FA2H: variants seen among roughly 807,000 people sequenced by gnomAD.
The protein encoded by FA2H is fatty acid 2-hydroxylase.
In FA2H, 22 loss-of-function variants were observed where a neutral mutation model predicts 44.9. That is an observed-to-expected ratio of 0.49 (90% CI 0.35 to 0.70). The LOEUF is 0.70. FA2H is among the 30% of genes least tolerant of loss of function. The probability of loss-of-function intolerance (pLI) is 0.01; values close to 1 mark genes in which losing one functional copy is unlikely to be tolerated. For synonymous variants in FA2H, 243 were observed against 213.2 expected (o/e 1.14, Z -1.22); for missense variants, 501 against 504.9 (o/e 0.99, Z 0.07).
chr16:74,743,800 C>T (rs555928603), intron 1 of FA2H, among the ~76,000 whole-genome samples: 1 of 152,188 alleles, frequency 6.6e-6, no homozygotes, highest in South Asian at 2.1e-4. Context: ...TGGGACCACA[C>T]CCCTCCTTGG....
intron 1 of FA2H, among the ~76,000 whole-genome samples, chr16:74,763,120 A>T (rs1962743381): frequency 6.6e-6 from 1 of 152,202 alleles, no homozygotes; most frequent in Non-Finnish European, 1.5e-5. Context: ...GCCTTGATCA[A>T]ACTGACTTTA....
At chr16:74,716,093 T>G (rs759864026) in intron 6 of FA2H, among the ~76,000 whole-genome samples, 5 of 152,182 alleles carry the variant, frequency 3.3e-5, no homozygotes, top group Non-Finnish European at 5.9e-5. Context: ...CGGCTGGGAT[T>G]ACAGGTGTGA....
At chr16:74,720,291 G>A (rs569331976) in intron 4 of FA2H, among the ~76,000 whole-genome samples, 2 of 137,734 alleles carry the variant, frequency 1.5e-5, no homozygotes, top group South Asian at 2.3e-4. Context: ...CACCTCCCGG[G>A]TTCAAGTGAT....
chr16:74,719,974 A>T (rs1280674820), intron 4 of FA2H, among the ~76,000 whole-genome samples: 1 of 152,000 alleles, frequency 6.6e-6, no homozygotes, highest in East Asian at 1.9e-4. Context: ...CAGGAGGAAG[A>T]TGTGAAAACA....
chr16:74,752,862 A>C (rs771505476), intron 1 of FA2H, among the ~76,000 whole-genome samples: 3 of 152,134 alleles, frequency 2.0e-5, no homozygotes, highest in Non-Finnish European at 2.9e-5. Flanking sequence ...AGATGGAGTG[A>C]AGGCGGGAGG....
At chr16:74,735,308 C>A (rs181554419) in intron 2 of FA2H, among the ~76,000 whole-genome samples, 1 of 152,060 alleles carries the variant, frequency 6.6e-6, no homozygotes, top group Non-Finnish European at 1.5e-5. Context: ...GTGGCGTTGC[C>A]GGAGTGGCTG....
chr16:74,742,021 C>G (rs907908497), intron 1 of FA2H, among the ~76,000 whole-genome samples: 3 of 151,832 alleles, frequency 2.0e-5, no homozygotes, highest in African/African-American at 7.3e-5. Flanking sequence ...TCTGTTTAAC[C>G]TCAAAATACT....
intron 1 of FA2H, among the ~76,000 whole-genome samples, chr16:74,771,559 C>T (rs1244562403): frequency 6.6e-6 from 1 of 152,004 alleles, no homozygotes; most frequent in Non-Finnish European, 1.5e-5. Context: ...TGGTCTCAAA[C>T]CCCTGACCTC....
intron 4 of FA2H, among the ~76,000 whole-genome samples, chr16:74,722,937 T>C (rs1961872230): frequency 6.7e-6 from 1 of 150,094 alleles, no homozygotes; most frequent in Non-Finnish European, 1.5e-5. Context: ...AAAAAAAATC[T>C]GTCTTCTGCC....
chr16:74,750,668 T>C (rs1962510431), intron 1 of FA2H, among the ~76,000 whole-genome samples: 1 of 152,202 alleles, frequency 6.6e-6, no homozygotes, highest in Non-Finnish European at 1.5e-5. Flanking sequence ...AGGATGTTTA[T>C]GCTTAGAAAG....
At chr16:74,748,542 G>A (rs28539551) in intron 1 of FA2H, among the ~76,000 whole-genome samples, 21,127 of 152,134 alleles carry the variant, frequency 0.14, 1,559 homozygotes, top group Middle Eastern at 0.23. Context: ...CTGTTCCCGG[G>A]AAGGTTCCTC....
chr16:74,765,783 G>A (rs1051493281), intron 1 of FA2H, among the ~76,000 whole-genome samples: 3 of 151,040 alleles, frequency 2.0e-5, no homozygotes, highest in African/African-American at 4.9e-5. Flanking sequence ...TGAACTCCTG[G>A]TCTCAAGCTC....
At chr16:74,767,126 T>G (rs181524004) in intron 1 of FA2H, among the ~76,000 whole-genome samples, 4 of 151,928 alleles carry the variant, frequency 2.6e-5, no homozygotes, top group South Asian at 4.2e-4. Context: ...CTGGCCAACA[T>G]AGTGAAACCC....
chr16:74,731,257 C>CCTGAGTAT (rs1962066041), intron 2 of FA2H, among the ~76,000 whole-genome samples: 1 of 148,202 alleles, frequency 6.7e-6, no homozygotes, highest in South Asian at 2.1e-4. Flanking sequence ...GCCTCAGCCT[C>CCTGAGTAT]CTGAGTAGCT....
At chr16:74,733,675 T>C (rs1344253942) in intron 2 of FA2H, among the ~76,000 whole-genome samples, 2 of 152,068 alleles carry the variant, frequency 1.3e-5, no homozygotes, top group East Asian at 1.9e-4. Flanking sequence ...GGTTTTGAGA[T>C]GGGAGGACAG....
chr16:74,734,104 C>T (rs1026993881), intron 2 of FA2H, among the ~76,000 whole-genome samples: 1 of 152,242 alleles, frequency 6.6e-6, no homozygotes, highest in Non-Finnish European at 1.5e-5. Context: ...CCATTTACTT[C>T]TTATGTCCCA....
chr16:74,735,669 G>A (rs1331857437), intron 2 of FA2H, among the ~76,000 whole-genome samples: 2 of 152,140 alleles, frequency 1.3e-5, no homozygotes, highest in East Asian at 3.9e-4. Flanking sequence ...ATATCCTTTA[G>A]TACATTCCAC....
chr16:74,717,607 G>A (rs530550098), intron 5 of FA2H, among the ~76,000 whole-genome samples: 52 of 152,360 alleles, frequency 3.4e-4, no homozygotes, highest in African/African-American at 1.2e-3. Flanking sequence ...GGCCAGATCC[G>A]GGTCACAGCT....
chr16:74,733,308 G>A (rs1473359341), intron 2 of FA2H, among the ~76,000 whole-genome samples: 2 of 152,180 alleles, frequency 1.3e-5, no homozygotes, highest in African/African-American at 2.4e-5. Context: ...GGGAAGCCCC[G>A]TGAGCCTTCC....
Sources: allele counts gnomAD v4.1 joint callset (sites outside exome capture counted in the v4.1 genomes callset), GRCh38; gene constraint gnomAD v4.1.1; transcripts MANE v1.5; gene names NCBI Gene and HGNC (gene_info 2026-07-23, HGNC 2026-07-21).